Variants in LRRTM1 observed in about 807,000 individuals in gnomAD.
LRRTM1 encodes the protein leucine rich repeat transmembrane neuronal 1, also known as leucine-rich repeat transmembrane neuronal protein 1.
A neutral mutation model predicts 37.3 loss-of-function variants in LRRTM1; 8 were observed. The ratio of observed to expected loss-of-function variants is 0.21; its 90% CI spans 0.13 to 0.39. LRRTM1 has a LOEUF of 0.39. Among genes scored for constraint, LRRTM1 ranks in the 10% least tolerant of loss-of-function variants. The pLI is 1.00. For synonymous variants in LRRTM1, 326 were observed against 316.8 expected, an observed-to-expected ratio of 1.03 and a Z score of -0.31; for missense variants, 557 against 691.0, an observed-to-expected ratio of 0.81 and a Z score of 2.17.
At chr2:80,288,521 C>T (rs1044962379) in exon 3 of LRRTM1, 4 of 152,220 alleles carry the variant, frequency 2.6e-5, no homozygotes, top group Admixed American at 6.5e-5. Context: ...GTGCTTCAAA[C>T]AGCTGGCAGT....
intron 2 of LRRTM1, among the ~76,000 whole-genome samples, chr2:80,293,212 A>G (rs1428792170): frequency 1.3e-5 from 2 of 152,172 alleles, no homozygotes; most frequent in African/African-American, 2.4e-5. Flanking sequence ...AGATTGTTGC[A>G]TTGTTCCATT....
In LRRTM1 at chr2:80,303,524, T is replaced by C. The variant is rs949333883; in HGVS notation, c.296A>G (p.Asn99Ser). 6.2e-7 allele frequency: 1 copy of C among 1,614,186 alleles called. No homozygotes were observed. The highest frequency in any genetic ancestry group is 8.5e-7 in the Non-Finnish European group (1 of 1,180,026). The part of the protein sequence containing the change: ...MQLTWLYLDH[N>S]HICSVQGDAF... ...GTCCCCCTGCACGGAGCAGATGTGATTGTGATCCAGATAGAGCCACGTGAG... is the reference window on the plus strand; with the variant it reads ...GTCCCCCTGCACGGAGCAGATGTGACTGTGATCCAGATAGAGCCACGTGAG... The change falls in exon 2 of 2, where the codon AAT (asparagine) becomes AGT (serine). Residue 99 changes from asparagine (N) to serine (S), a missense_variant. Physicochemically the swap from Asn to Ser is conservative, Grantham distance 46. Coordinates refer to ENST00000295057, the MANE Select transcript of LRRTM1 (RefSeq NM_178839.5). This position sits in a 1 kb window ranked among gnomAD's most constrained non-coding sequence, Gnocchi z 7.7.
rs1676375521 is a variant in LRRTM1 at position 80,302,102 on chromosome 2, A to C, written c.*149T>G. ...GTTTTTAAGACACAATAAAGCTAAA[A>C]TGTCAAGTCTCTGGGAGAGATCCCC... On this transcript the variant is annotated 3_prime_UTR_variant, in exon 2 of 2. Transcript: ENST00000295057. The surrounding 1 kb of genome is among the most constrained non-coding windows in gnomAD (Gnocchi z 6.4). 1 of 1,071,826 alleles carries C rather than the reference A, an allele frequency of 9.3e-7. No homozygotes were observed. Among genetic ancestry groups the C allele is most frequent in the Non-Finnish European group, 1.3e-6 (1 of 773,408 alleles). The allele number at this position is 1,071,826 out of a possible 1,614,324, so 66.4% of individuals were successfully genotyped here.
chr2:80,294,854 A>G (rs1675604664), intron 2 of LRRTM1, among the ~76,000 whole-genome samples: 1 of 152,122 alleles, frequency 6.6e-6, no homozygotes, highest in Admixed American at 6.5e-5. Context: ...TCATAACACG[A>G]GGGAAAATAA....
chr2:80,296,066 G>T (rs1472321065), intron 2 of LRRTM1, among the ~76,000 whole-genome samples: 1 of 151,804 alleles, frequency 6.6e-6, no homozygotes. Context: ...AGTTTTTTAC[G>T]ATTATTGCGG....
chr2:80,303,562 C>T lies in LRRTM1; in HGVS notation c.258G>A (p.Thr86=), dbSNP rs200396240. The change falls in exon 2 of 2, where the codon ACG becomes ACA. Residue 86 remains threonine (T), a synonymous_variant. Transcript: ENST00000295057. The surrounding 1 kb of genome is among the most constrained non-coding windows in gnomAD (Gnocchi z 7.7). Reference sequence around the variant, plus strand: ...AGAGCCACGTGAGCTGCATTAACCCCGTGAACTGGCCGGCGCGCAGCTCCG... The same window carrying T: ...AGAGCCACGTGAGCTGCATTAACCCTGTGAACTGGCCGGCGCGCAGCTCCG... ...SLSELRAGQF[T]GLMQLTWLYL... 9 of 1,614,110 alleles carry T rather than the reference C, an allele frequency of 5.6e-6. No individual in the cohort carries two copies. The highest frequency in any genetic ancestry group is 1.3e-5 in the African/African-American group (1 of 74,938).
In LRRTM1 at chr2:80,303,244, G is replaced by C. The variant is rs762969109; in HGVS notation, c.576C>G (p.Ile192Met). Residue 192 changes from isoleucine (I) to methionine (M), a missense_variant, in exon 2 of 2, where the codon ATC becomes ATG. Around this residue, in one of 5 missense-constraint regions of LRRTM1, gnomAD observed 200 missense variants for 249.9 expected, o/e 0.80. Coordinates refer to ENST00000295057, the MANE Select transcript of LRRTM1 (RefSeq NM_178839.5). This position sits in a 1 kb window ranked among gnomAD's most constrained non-coding sequence, Gnocchi z 7.7. ...QDCRSLKFLDIGYNQLKSLAR... is the reference protein window; with the variant it reads ...QDCRSLKFLDMGYNQLKSLAR... ...CCAGACTCTTGAGCTGATTGTATCCGATGTCGAGAAACTTGAGGCTGCGGC... is the reference window on the plus strand; with the variant it reads ...CCAGACTCTTGAGCTGATTGTATCCCATGTCGAGAAACTTGAGGCTGCGGC... 1 of 1,613,634 alleles carries C rather than the reference G, an allele frequency of 6.2e-7. No individual in the cohort carries two copies. Among genetic ancestry groups the C allele is most frequent in the African/African-American group, 1.3e-5 (1 of 74,914 alleles).
At chr2:80,297,053 T>C (rs6712681), downstream of LRRTM1, among the ~76,000 whole-genome samples, 61,409 of 152,002 alleles carry the variant, frequency 0.4, 12,523 homozygotes, top group East Asian at 0.47. Flanking sequence ...GGCCATTTCT[T>C]CTCCTGGAAC....
In LRRTM1 at chr2:80,301,971, T is replaced by C. The variant is rs1676363747; in HGVS notation, c.*280A>G. 1 of 355,410 alleles carries C rather than the reference T, an allele frequency of 2.8e-6. No homozygotes were observed. Among genetic ancestry groups the C allele is most frequent in the Non-Finnish European group, 5.0e-6 (1 of 198,840 alleles). The allele number at this position is 355,410 out of a possible 1,614,324, so 22.0% of individuals were successfully genotyped here. A position where few individuals can be genotyped will look rare whatever the true frequency, so the allele number is the denominator to read the frequency against. ...TTTTTTACACTCTCAGATTCCTGAA[T>C]ATGGACAGATCTTCAAAGGGAGGAA... On this transcript the variant is annotated 3_prime_UTR_variant, in exon 2 of 2. Coordinates refer to ENST00000295057, the MANE Select transcript of LRRTM1 (RefSeq NM_178839.5).
At position 80,302,448 on chromosome 2, in the gene LRRTM1, T is replaced by A; in HGVS notation, c.1372A>T (p.Arg458Trp). 1 of 1,614,204 alleles carries A rather than the reference T, an allele frequency of 6.2e-7. No individual in the cohort carries two copies. Among genetic ancestry groups the A allele is most frequent in the Non-Finnish European group, 8.5e-7 (1 of 1,180,036 alleles). Residue 458 changes from arginine (R) to tryptophan (W), a missense_variant, in exon 2 of 2, where the codon AGG becomes TGG. By Grantham distance (101) the Arg-to-Trp change is moderately radical. Coordinates refer to ENST00000295057, the MANE Select transcript of LRRTM1 (RefSeq NM_178839.5). The surrounding 1 kb of genome is among the most constrained non-coding windows in gnomAD (Gnocchi z 6.4). The stretch of plus-strand genomic sequence containing the variant: ...GTGACAAAGCACTGTCTGAGCTGCC[T>A]GAGGCTGGCTGGGAAACACTTCCAG... Reference protein sequence around the residue: ...VSWKCFPASLRQLRQCFVTQR... With the variant: ...VSWKCFPASLWQLRQCFVTQR...
exon 3 of LRRTM1, chr2:80,289,033 GA>G: frequency 6.6e-6 from 1 of 152,222 alleles, no homozygotes; most frequent in Admixed American, 6.5e-5. Flanking sequence ...TTTAAGATGG[GA>G]GTAATATGAT....
Position 80,303,150 on chromosome 2 carries a change from C to G in LRRTM1, c.670G>C (p.Val224Leu), listed in dbSNP as rs964847233. ...AGGCGCGGGAAGTGGGCGAAGTTCA[C>G]CTTGACCAAGTCGTTGTGCTCGAGG... ...LHLEHNDLVK[V>L]NFAHFPRLIS... Residue 224 changes from valine to leucine, a missense_variant, in exon 2 of 2, where the codon GTG (valine) becomes CTG (leucine). Val to Leu is a conservative substitution (Grantham distance 32). Transcript: ENST00000295057. The surrounding 1 kb of genome is among the most constrained non-coding windows in gnomAD (Gnocchi z 7.7). 2 of 1,614,120 alleles carry G rather than the reference C, an allele frequency of 1.2e-6. No homozygotes were observed. Among genetic ancestry groups the G allele is most frequent in the Admixed American group, 1.7e-5 (1 of 60,014 alleles).
In LRRTM1 at chr2:80,304,455, A is replaced by T. The variant is rs948070098; in HGVS notation, c.-363T>A. The stretch of plus-strand genomic sequence containing the variant: ...GACTGTGACGTTGTGGGGGGAAAAA[A>T]CTCCAAACTCGGGGCTCGCGACTCC... On this transcript the variant is annotated 5_prime_UTR_variant, in exon 1 of 2. Transcript: ENST00000295057. The T allele has an allele frequency of 1.3e-5, 2 of 151,968 alleles. No homozygotes were observed. Among genetic ancestry groups the T allele is most frequent in the African/African-American group, 2.4e-5 (1 of 41,162 alleles). The allele number at this position is 151,968 out of a possible 1,614,324, so 9.4% of individuals were successfully genotyped here.
Position 80,302,974 on chromosome 2 carries a change from C to T in LRRTM1, c.846G>A (p.Leu282=). The stretch of plus-strand genomic sequence containing the variant: ...GGTTGGAGTCCAGCTGCAGGGACTG[C>T]AGGTGCGGCACGGTCTCGAACACAT... The part of the protein sequence containing the change: ...EPHVFETVPH[L]QSLQLDSNRL... Residue 282 remains leucine, a synonymous_variant, in exon 2 of 2, where the codon CTG becomes CTA. Transcript: ENST00000295057. The surrounding 1 kb of genome is among the most constrained non-coding windows in gnomAD (Gnocchi z 6.4). 1 of 1,613,780 alleles carries T rather than the reference C, an allele frequency of 6.2e-7. No individual in the cohort carries two copies. The highest frequency in any genetic ancestry group is 1.1e-5 in the South Asian group (1 of 91,040).
At chr2:80,295,030 TTTTC>T (rs1238739228) in intron 2 of LRRTM1, among the ~76,000 whole-genome samples, 1 of 152,104 alleles carries the variant, frequency 6.6e-6, no homozygotes, top group Non-Finnish European at 1.5e-5. Context: ...TCTTTTTCTT[TTTTC>T]TTTCTGTTTT....
At chr2:80,295,299 T>C (rs1406139099) in intron 2 of LRRTM1, among the ~76,000 whole-genome samples, 1 of 151,166 alleles carries the variant, frequency 6.6e-6, no homozygotes, top group Non-Finnish European at 1.5e-5. Context: ...TGCGGGTGAG[T>C]GTGTGTGTCC....
At position 80,303,801 on chromosome 2, in the gene LRRTM1, C is replaced by G. The variant is rs567908272; in HGVS notation, c.19G>C (p.Gly7Arg). MDFLLLGLCLYWLLRRP... is the reference protein window; with the variant it reads MDFLLLRLCLYWLLRRP... Reference sequence around the variant, plus strand: ...CTCAGCAGCCAGTATAGACAGAGACCGAGCAGCAGGAAATCCATTAGCGAG... The same window carrying G: ...CTCAGCAGCCAGTATAGACAGAGACGGAGCAGCAGGAAATCCATTAGCGAG... The change falls in exon 2 of 2, where the codon GGT (glycine) becomes CGT (arginine). Residue 7 changes from glycine (G) to arginine (R), a missense_variant. Physicochemically the swap from Gly to Arg is moderately radical, Grantham distance 125. This residue lies in a region of LRRTM1 where 140 missense variants were observed against 138.1 expected (regional missense o/e 1.01). Transcript: ENST00000295057. This position sits in a 1 kb window ranked among gnomAD's most constrained non-coding sequence, Gnocchi z 7.7. 1 of 1,514,278 alleles carries G rather than the reference C, an allele frequency of 6.6e-7. No individual in the cohort carries two copies. The highest frequency in any genetic ancestry group is 1.4e-5 in the African/African-American group (1 of 71,854). The allele number at this position is 1,514,278 out of a possible 1,614,324, so 93.8% of individuals were successfully genotyped here.
In LRRTM1 at chr2:80,292,677, C is replaced by T. The variant is rs147425552; in HGVS notation, c.*307-3482G>A. Among the ~76,000 whole-genome samples, 491 of 152,268 alleles carry T rather than the reference C, an allele frequency of 3.2e-3. 3 individuals are homozygous for T. Among genetic ancestry groups the T allele is most frequent in the African/African-American group, 0.011 (470 of 41,564 alleles). On this transcript the variant is annotated intron_variant and NMD_transcript_variant, in intron 2 of 2. Coordinates refer to the LRRTM1 transcript ENST00000417012. ...CTGATAGGCCTATGCCAGCATAGTC[C>T]TCTTGAGAATGCCTCACCTTCGCAG...
At position 80,303,464 on chromosome 2, in the gene LRRTM1, G is replaced by C; in HGVS notation, c.356C>G (p.Thr119Arg). The stretch of plus-strand genomic sequence containing the variant: ...TTGGGTGATCTGGTTGGAACTCAGC[G>C]TGAGTTCCTTAACTCGGCGCAGTTT... ...FQKLRRVKELTLSSNQITQLP... is the reference protein window; with the variant it reads ...FQKLRRVKELRLSSNQITQLP... Residue 119 changes from threonine (T) to arginine (R), a missense_variant, in exon 2 of 2, where the codon ACG (threonine) becomes AGG (arginine). Physicochemically the swap from Thr to Arg is moderately conservative, Grantham distance 71. Around this residue, in one of 5 missense-constraint regions of LRRTM1, gnomAD observed 38 missense variants for 72.9 expected, o/e 0.52. Transcript: ENST00000295057. This position sits in a 1 kb window ranked among gnomAD's most constrained non-coding sequence, Gnocchi z 7.7. The C allele has an allele frequency of 6.2e-7, 1 of 1,614,230 alleles. No homozygotes were observed. The highest frequency in any genetic ancestry group is 8.5e-7 in the Non-Finnish European group (1 of 1,180,050).
Sources: allele counts gnomAD v4.1 joint callset (sites outside exome capture counted in the v4.1 genomes callset), GRCh38; gene constraint gnomAD v4.1.1; regional missense constraint gnomAD v4.1.1; non-coding constraint Gnocchi (gnomAD v3.1); transcripts MANE v1.5; gene names NCBI Gene and HGNC (gene_info 2026-07-23, HGNC 2026-07-21).